RAG1: variants seen among roughly 807,000 people sequenced by gnomAD.
RAG1 encodes the protein recombination activating 1.
A neutral mutation model predicts 62.7 loss-of-function variants in RAG1; 35 were observed. The observed-to-expected ratio is 0.56, with a 90% CI of 0.43 to 0.74. The LOEUF (loss-of-function observed/expected upper bound fraction) is 0.74, where lower values mean the gene tolerates loss of function less well. Among genes scored for constraint, RAG1 ranks in the 30% least tolerant of loss-of-function variants. The probability of loss-of-function intolerance (pLI) is 0.00; values close to 1 mark genes in which losing one functional copy is unlikely to be tolerated. For synonymous variants in RAG1, 461 were observed against 470.3 expected (o/e 0.98, Z 0.26); for missense variants, 1,169 against 1,278.6 (o/e 0.91, Z 1.31).
intron 1 of RAG1, among the ~76,000 whole-genome samples, chr11:36,517,960 G>T (rs934006712): frequency 1.3e-5 from 2 of 150,322 alleles, no homozygotes; most frequent in Non-Finnish European, 3.0e-5. Context: ...TTAGCATTAG[G>T]TATATCTCCT....
At chr11:36,534,024 C>T (rs1275856194) in intron 2 of RAG1, among the ~76,000 whole-genome samples, 2 of 152,036 alleles carry the variant, frequency 1.3e-5, no homozygotes, top group East Asian at 1.9e-4. Flanking sequence ...TTATAATTAG[C>T]TTTTCCTAAG....
At chr11:36,514,874 A>T (rs1298914458) in intron 1 of RAG1, among the ~76,000 whole-genome samples, 2 of 152,168 alleles carry the variant, frequency 1.3e-5, no homozygotes, top group Non-Finnish European at 2.9e-5. Flanking sequence ...TACCTGAGTG[A>T]TGGTTTCTGC....
intron 2 of RAG1, among the ~76,000 whole-genome samples, chr11:36,528,772 A>G (rs1860206362): frequency 6.6e-6 from 1 of 152,110 alleles, no homozygotes; most frequent in South Asian, 2.1e-4. Flanking sequence ...AAGAAAAGAG[A>G]GAAGAATCAA....
chr11:36,561,208 C>G (rs557535483), intron 3 of RAG1, among the ~76,000 whole-genome samples: 1 of 152,288 alleles, frequency 6.6e-6, no homozygotes, highest in East Asian at 1.9e-4. Context: ...GATGGATTTT[C>G]TTGGGGCTTC....
intron 2 of RAG1, among the ~76,000 whole-genome samples, chr11:36,520,536 C>T (rs890280141): frequency 4.6e-5 from 7 of 152,160 alleles, no homozygotes; most frequent in East Asian, 1.9e-4. Context: ...CTCGACCTCC[C>T]GAAGTGCTGG....
At chr11:36,562,606 T>G (rs1376269524) in intron 3 of RAG1, among the ~76,000 whole-genome samples, 1 of 152,192 alleles carries the variant, frequency 6.6e-6, no homozygotes, top group Non-Finnish European at 1.5e-5. Context: ...TCATTAAGAA[T>G]GAAGCCCAAT....
At chr11:36,514,257 A>G (rs1009203047) in intron 1 of RAG1, among the ~76,000 whole-genome samples, 4 of 152,190 alleles carry the variant, frequency 2.6e-5, no homozygotes, top group Non-Finnish European at 5.9e-5. Flanking sequence ...CTAAGCTGGA[A>G]CCTACAAAAA....
chr11:36,548,935 A>G (rs761496629), intron 3 of RAG1, among the ~76,000 whole-genome samples: 2 of 152,198 alleles, frequency 1.3e-5, no homozygotes, highest in African/African-American at 2.4e-5. Context: ...ATATAGACCC[A>G]TGGAACCAAA....
In RAG1 at chr11:36,573,404, C is replaced by T. The variant is rs778391388; in HGVS notation, c.100C>T (p.Arg34Trp). 4.8e-5 allele frequency: 77 copies of T among 1,613,920 alleles called. No homozygotes were observed. The highest frequency in any genetic ancestry group is 5.9e-5 in the Non-Finnish European group (70 of 1,180,040). Reference protein sequence around the residue: ...KFSEWKFKLFRVRSFEKTPEE... With the variant: ...KFSEWKFKLFWVRSFEKTPEE... ...TTCAGAATGGAAATTTAAGCTGTTC[C>T]GGGTGAGATCCTTTGAAAAGACACC... The change falls in exon 2 of 2, where the codon CGG becomes TGG. Residue 34 changes from arginine (R) to tryptophan (W), a missense_variant. Around this residue, in one of 2 missense-constraint regions of RAG1, gnomAD observed 369 missense variants for 335.3 expected, o/e 1.10. Coordinates refer to ENST00000299440, the MANE Select transcript of RAG1 (RefSeq NM_000448.3).
At chr11:36,537,921 G>A (rs1314698417), downstream of RAG1, among the ~76,000 whole-genome samples, 1 of 151,594 alleles carries the variant, frequency 6.6e-6, no homozygotes, top group Non-Finnish European at 1.5e-5. Flanking sequence ...ATCTTAGATC[G>A]TTCCTCCAGT....
chr11:36,573,766 C>T lies in RAG1; in HGVS notation c.462C>T (p.Leu154=). 6.2e-7 allele frequency: 1 copy of T among 1,614,128 alleles called. No homozygotes were observed. The highest frequency in any genetic ancestry group is 8.5e-7 in the Non-Finnish European group (1 of 1,180,042). ...KEKRATSWPD[L]IAKVFRIDVK... ...AGAGAGCTACTTCCTGGCCGGACCT[C>T]ATTGCCAAGGTTTTCCGGATCGATG... The change falls in exon 2 of 2, where the codon CTC becomes CTT. Residue 154 remains leucine (L), a synonymous_variant. Coordinates refer to ENST00000299440, the MANE Select transcript of RAG1 (RefSeq NM_000448.3).
At chr11:36,572,778 T>A (rs1850768237) in intron 1 of RAG1, among the ~76,000 whole-genome samples, 1 of 152,230 alleles carries the variant, frequency 6.6e-6, no homozygotes, top group African/African-American at 2.4e-5. Flanking sequence ...AGCTTTATCA[T>A]CCTTTTATGA....
chr11:36,538,428 C>T (rs1860364774), downstream of RAG1, among the ~76,000 whole-genome samples: 1 of 152,118 alleles, frequency 6.6e-6, no homozygotes, highest in South Asian at 2.1e-4. Flanking sequence ...CAAACAAACT[C>T]ACATTGAAAT....
At chr11:36,522,807 C>T (rs1470323967) in intron 2 of RAG1, among the ~76,000 whole-genome samples, 1 of 152,206 alleles carries the variant, frequency 6.6e-6, no homozygotes, top group Non-Finnish European at 1.5e-5. Context: ...TCAGTGTGAC[C>T]TGGATTTGAG....
At chr11:36,569,276 T>C (rs1288279161) in intron 1 of RAG1, among the ~76,000 whole-genome samples, 1 of 152,214 alleles carries the variant, frequency 6.6e-6, no homozygotes, top group Non-Finnish European at 1.5e-5. Context: ...CCTGTAGCTC[T>C]GATGTCAGAT....
chr11:36,525,461 G>T (rs552676931), intron 2 of RAG1, among the ~76,000 whole-genome samples: 118 of 152,096 alleles, frequency 7.8e-4, no homozygotes, highest in African/African-American at 2.8e-3. Flanking sequence ...AATTGTGTTA[G>T]ATTTGTGTAT....
downstream of RAG1, among the ~76,000 whole-genome samples, chr11:36,538,887 A>T (rs1027357477): frequency 1.3e-5 from 2 of 152,124 alleles, no homozygotes; most frequent in Non-Finnish European, 2.9e-5. Context: ...GAACCTGTCC[A>T]TGGGGCTGTC....
At chr11:36,570,370 A>G (rs4151008) in intron 1 of RAG1, among the ~76,000 whole-genome samples, 1,950 of 152,334 alleles carry the variant, frequency 0.013, 36 homozygotes, top group African/African-American at 0.045. Flanking sequence ...GATAAAAAAT[A>G]TCTAATCTAA....
downstream of RAG1, among the ~76,000 whole-genome samples, chr11:36,539,529 G>A (rs939268353): frequency 6.6e-6 from 1 of 152,136 alleles, no homozygotes; most frequent in African/African-American, 2.4e-5. Context: ...CTGTTGCCCA[G>A]GCTGGAGTAC....
Sources: gnomAD v4.1 joint callset for allele counts (sites outside exome capture counted in the v4.1 genomes callset) on GRCh38, gnomAD v4.1.1 for gene constraint, gnomAD v4.1.1 regional missense constraint, MANE v1.5 for transcripts, NCBI Gene and HGNC (gene_info 2026-07-23, HGNC 2026-07-21) for gene names.